The following NKAIN2 variants were observed in gnomAD, a reference collection of about 807,000 sequenced individuals.
The protein encoded by NKAIN2 is sodium/potassium transporting ATPase interacting 2.
NKAIN2 carries 14 observed loss-of-function variants against 32.6 expected under a neutral mutation model. The ratio of observed to expected loss-of-function variants is 0.43; its 90% CI spans 0.28 to 0.67. The LOEUF is 0.67. NKAIN2 is among the 30% of genes least tolerant of loss of function. The pLI is 0.17. For missense variants in NKAIN2, 198 were observed against 258.3 expected (o/e 0.77, Z 1.60); for synonymous variants, 80 against 87.2 (o/e 0.92, Z 0.46).
intron 1 of NKAIN2, among the ~76,000 whole-genome samples, chr6:123,868,494 G>T (rs1772695820): frequency 6.6e-6 from 1 of 152,236 alleles, no homozygotes; most frequent in African/African-American, 2.4e-5. Context: ...GAAATTGACA[G>T]TTAATCCATT....
rs1004053897 is a variant in NKAIN2, at chr6:123,937,707, C to T, written c.54+133453C>T. On this transcript the variant is annotated intron_variant, in intron 1 of 6. Coordinates refer to ENST00000368417, the MANE Select transcript of NKAIN2 (RefSeq NM_001040214.3). ...CCTGCAGTGGTAAGCTCTGCTAATT[C>T]GTGACTTGATGCCCATTTTCCCTGC... is the stretch of plus-strand genomic sequence containing the variant. Among the ~76,000 whole-genome samples, 10 of 152,146 alleles carry T rather than the reference C, an allele frequency of 6.6e-5. 1 individual carries two copies. The South Asian group carries it at 1.5e-3, about 22-fold the overall frequency.
intron 4 of NKAIN2, among the ~76,000 whole-genome samples, chr6:124,784,612 G>C (rs888283096): frequency 6.6e-6 from 1 of 151,990 alleles, no homozygotes; most frequent in Non-Finnish European, 1.5e-5. Flanking sequence ...ATACCAGTTT[G>C]TTTAACTATT....
At chr6:124,690,736 G>A (rs1376399626) in intron 4 of NKAIN2, among the ~76,000 whole-genome samples, 1 of 151,972 alleles carries the variant, frequency 6.6e-6, no homozygotes, top group Non-Finnish European at 1.5e-5. Context: ...CCTCCCTACT[G>A]CCACCACTGC....
chr6:124,710,023 A>G (rs924018339), intron 4 of NKAIN2, among the ~76,000 whole-genome samples: 3 of 151,950 alleles, frequency 2.0e-5, no homozygotes, highest in African/African-American at 7.3e-5. Context: ...AGATTCTGGT[A>G]TGTTGTGTCT....
chr6:124,097,500 G>A (rs1784695994), intron 1 of NKAIN2, among the ~76,000 whole-genome samples: 1 of 152,084 alleles, frequency 6.6e-6, no homozygotes, highest in Non-Finnish European at 1.5e-5. Flanking sequence ...AAATTAGATA[G>A]GCATAGTACA....
intron 4 of NKAIN2, among the ~76,000 whole-genome samples, chr6:124,701,861 T>G (rs1183609570): frequency 6.6e-6 from 1 of 152,052 alleles, no homozygotes; most frequent in Non-Finnish European, 1.5e-5. Context: ...TAATAGAACA[T>G]GTTTTAATAA....
intron 1 of NKAIN2, among the ~76,000 whole-genome samples, chr6:123,820,797 A>G (rs1191806890): frequency 6.6e-6 from 1 of 152,194 alleles, no homozygotes; most frequent in Non-Finnish European, 1.5e-5. Context: ...GTACCCCTCA[A>G]TGCTTTTGAT....
chr6:124,049,820 C>G (rs966094307), intron 1 of NKAIN2, among the ~76,000 whole-genome samples: 6 of 151,952 alleles, frequency 3.9e-5, no homozygotes, highest in Non-Finnish European at 7.4e-5. Flanking sequence ...TGCAAGTACT[C>G]TTGCACCCAA....
At chr6:124,346,740 G>A (rs111746964) in intron 2 of NKAIN2, among the ~76,000 whole-genome samples, 9 of 151,946 alleles carry the variant, frequency 5.9e-5, no homozygotes, top group Non-Finnish European at 1.0e-4. Flanking sequence ...CTGCATGTGA[G>A]ATGGGTTTCC....
chr6:123,958,599 C>CCCCA (rs1777705407), intron 1 of NKAIN2, among the ~76,000 whole-genome samples: 1 of 152,242 alleles, frequency 6.6e-6, no homozygotes, highest in Non-Finnish European at 1.5e-5. Flanking sequence ...CTCCCAAAGG[C>CCCCA]CCCACCTTTT....
intron 3 of NKAIN2, among the ~76,000 whole-genome samples, chr6:124,439,619 AT>A (rs1280535738): frequency 6.7e-6 from 1 of 148,738 alleles, no homozygotes; most frequent in Non-Finnish European, 1.5e-5. Context: ...TTTGTTTTGT[AT>A]TTGTTTCCGT....
intron 4 of NKAIN2, among the ~76,000 whole-genome samples, chr6:124,713,342 G>T (rs967045921): frequency 1.3e-5 from 2 of 152,104 alleles, no homozygotes; most frequent in Non-Finnish European, 2.9e-5. Flanking sequence ...TCCTAAGAAA[G>T]CCTGTAAGAA....
At chr6:124,262,664 T>A (rs1176715419) in intron 1 of NKAIN2, among the ~76,000 whole-genome samples, 1 of 152,122 alleles carries the variant, frequency 6.6e-6, no homozygotes, top group African/African-American at 2.4e-5. Flanking sequence ...AATGTATAGA[T>A]TAGTTGAAAA....
chr6:124,673,776 G>T (rs1773219060), intron 4 of NKAIN2, among the ~76,000 whole-genome samples: 1 of 151,366 alleles, frequency 6.6e-6, no homozygotes, highest in South Asian at 2.1e-4. Flanking sequence ...ATATATTTTA[G>T]ATATTAACCT....
chr6:124,311,467 A>C (rs1284180812), intron 2 of NKAIN2, among the ~76,000 whole-genome samples: 1 of 152,146 alleles, frequency 6.6e-6, no homozygotes, highest in Non-Finnish European at 1.5e-5. Context: ...GCCACCCTGA[A>C]AATATTTATA....
intron 1 of NKAIN2, among the ~76,000 whole-genome samples, chr6:123,864,857 G>A (rs897336322): frequency 7.9e-5 from 12 of 152,004 alleles, no homozygotes; most frequent in African/African-American, 2.9e-4. Context: ...AAATTAATTG[G>A]TTATTTAGAA....
chr6:124,342,000 G>T (rs1798133247), intron 2 of NKAIN2, among the ~76,000 whole-genome samples: 1 of 152,166 alleles, frequency 6.6e-6, no homozygotes, highest in Non-Finnish European at 1.5e-5. Context: ...ACTGCTATTG[G>T]AGATGAGAAA....
At chr6:124,441,473 A>G (rs1169815954) in intron 3 of NKAIN2, among the ~76,000 whole-genome samples, 1 of 152,078 alleles carries the variant, frequency 6.6e-6, no homozygotes, top group Non-Finnish European at 1.5e-5. Flanking sequence ...GCCAGATTAG[A>G]AAAGGTGATC....
At chr6:124,063,578 A>G (rs1395884108) in intron 1 of NKAIN2, among the ~76,000 whole-genome samples, 2 of 152,108 alleles carry the variant, frequency 1.3e-5, no homozygotes, top group Admixed American at 1.3e-4. Flanking sequence ...GGATTAGCCC[A>G]GTGGCAAGCA....
Sources: allele counts gnomAD v4.1 joint callset (sites outside exome capture counted in the v4.1 genomes callset), GRCh38; gene constraint gnomAD v4.1.1; transcripts MANE v1.5; gene names NCBI Gene and HGNC (gene_info 2026-07-23, HGNC 2026-07-21).